DCHS2: variants seen among roughly 807,000 people sequenced by gnomAD.
DCHS2 encodes protocadherin-23.
Under a neutral mutation model 182.4 loss-of-function variants are expected in DCHS2, and 142 were observed. The observed-to-expected ratio is 0.78, with a 90% CI of 0.68 to 0.89. The LOEUF (loss-of-function observed/expected upper bound fraction) is 0.89. Ranked by LOEUF, DCHS2 falls within the 40% of genes least tolerant of loss-of-function variation. The pLI, the probability that DCHS2 is intolerant of heterozygous loss-of-function variation, is 0.00. For synonymous variants in DCHS2, 1,740 were observed against 1,663.3 expected, an observed-to-expected ratio of 1.05 and a Z score of -1.12; for missense variants, 4,319 against 4,198.6, an observed-to-expected ratio of 1.03 and a Z score of -0.79.
chr4:154,319,512 A>G (rs920480510), intron 9 of DCHS2, among the ~76,000 whole-genome samples: 9 of 151,970 alleles, frequency 5.9e-5, no homozygotes, highest in African/African-American at 2.2e-4. Flanking sequence ...AAATGGACAA[A>G]AGACTTGAAT....
chr4:154,298,213 T>C lies in DCHS2; in HGVS notation c.6101A>G (p.Asn2034Ser). The C allele has an allele frequency of 6.2e-7, 1 of 1,614,158 alleles. No homozygotes were observed. The highest frequency in any genetic ancestry group is 8.5e-7 in the Non-Finnish European group (1 of 1,180,016). The change falls in exon 13 of 20, where the codon AAT becomes AGT. Residue 2034 changes from asparagine (N) to serine (S), a missense_variant. Physicochemically the swap from Asn to Ser is conservative, Grantham distance 46. Transcript: ENST00000357232. ...AGGGTTCTGTTCCAAAACTGGATCA[T>C]TGTCATTAACATCAGTGACATATAC... Reference protein sequence around the residue: ...IKVYVTDVNDNDPVLEQNPFD... With the variant: ...IKVYVTDVNDSDPVLEQNPFD...
At chr4:154,421,759 C>T (rs1266661446) in intron 1 of DCHS2, among the ~76,000 whole-genome samples, 3 of 152,218 alleles carry the variant, frequency 2.0e-5, no homozygotes, top group Non-Finnish European at 4.4e-5. Flanking sequence ...CACCCATTTT[C>T]CCTTCTAGCC....
At chr4:154,278,054 A>AAG in intron 13 of DCHS2, among the ~76,000 whole-genome samples, 1 of 151,714 alleles carries the variant, frequency 6.6e-6, no homozygotes, top group Non-Finnish European at 1.5e-5. Flanking sequence ...CACAAAAAAA[A>AAG]AGAATTTAAA....
intron 1 of DCHS2, among the ~76,000 whole-genome samples, chr4:154,471,643 G>A (rs915846730): frequency 6.6e-6 from 1 of 152,104 alleles, no homozygotes; most frequent in Admixed American, 6.5e-5. Context: ...CTGTCTCAGA[G>A]AGCAAACATC....
intron 14 of DCHS2, chr4:154,261,999 C>T (rs1733008574): frequency 6.6e-6 from 1 of 152,220 alleles, no homozygotes; most frequent in South Asian, 2.1e-4. Flanking sequence ...GGTGGGTCCA[C>T]AGCTCTCACC....
chr4:154,346,864 C>T (rs1420957146), intron 3 of DCHS2, among the ~76,000 whole-genome samples: 1 of 151,880 alleles, frequency 6.6e-6, no homozygotes, highest in Non-Finnish European at 1.5e-5. Flanking sequence ...CCATAACAAG[C>T]TGCAAACTTT....
chr4:154,420,250 T>C (rs62331914), intron 1 of DCHS2, among the ~76,000 whole-genome samples: 58,120 of 117,392 alleles, frequency 0.5, 13,297 homozygotes, highest in Middle Eastern at 0.68. Context: ...GACAGACAGA[T>C]AGATAGATAG....
intron 16 of DCHS2, among the ~76,000 whole-genome samples, chr4:154,247,973 C>T (rs1732162246): frequency 6.6e-6 from 1 of 152,006 alleles, no homozygotes; most frequent in South Asian, 2.1e-4. Context: ...TTTATTAACC[C>T]AAACTGTTCA....
At chr4:154,316,642 G>C (rs1007045650) in intron 9 of DCHS2, among the ~76,000 whole-genome samples, 1 of 152,116 alleles carries the variant, frequency 6.6e-6, no homozygotes, top group Non-Finnish European at 1.5e-5. Flanking sequence ...AAACTAGCCA[G>C]GCATGGTGGC....
rs1478778075 is a variant in DCHS2 at position 154,304,661 on chromosome 4, A to AAACT, written c.5605+4_5605+7dup. 7 of 1,386,792 alleles carry AAACT rather than the reference A, an allele frequency of 5.0e-6. No individual in the cohort carries two copies. The African/African-American group carries it at 8.9e-5, about 18-fold the overall frequency. 85.9% of individuals were successfully genotyped at this position (1,386,792 alleles called of 1,614,324 possible). The stretch of plus-strand genomic sequence containing the variant: ...CAAACAAACAAACAAACAAACAAAC[A>AAACT]AACTTACCAATTATGTGATATTCAA... On this transcript the variant is annotated splice_region_variant and intron_variant, in intron 12 of 19. Coordinates refer to ENST00000357232, the MANE Select transcript of DCHS2 (RefSeq NM_001358235.2).
At chr4:154,269,677 A>G (rs1028499469) in intron 14 of DCHS2, among the ~76,000 whole-genome samples, 1 of 152,182 alleles carries the variant, frequency 6.6e-6, no homozygotes, top group Non-Finnish European at 1.5e-5. Flanking sequence ...TTTGAAGGGC[A>G]GGATAGACAC....
intron 3 of DCHS2, among the ~76,000 whole-genome samples, chr4:154,342,048 A>T (rs1729135705): frequency 6.6e-6 from 1 of 152,194 alleles, no homozygotes; most frequent in Non-Finnish European, 1.5e-5. Context: ...ATTCCAGACC[A>T]CTGCAATAAA....
intron 15 of DCHS2, among the ~76,000 whole-genome samples, chr4:154,256,826 C>T (rs1031684518): frequency 2.0e-5 from 3 of 152,076 alleles, no homozygotes; most frequent in African/African-American, 7.2e-5. Context: ...CCAGAGTTCT[C>T]AGGGGACCCT....
In DCHS2 at chr4:154,490,625, TC is replaced by T; in HGVS notation, c.730del (p.Glu244SerfsTer3). ...CCGCAGCAGCACCAGATCTAGAGGCTCCAGGGGTGACGAGGAGCCTGGCAAA... is the reference window on the plus strand; with the variant it reads ...CCGCAGCAGCACCAGATCTAGAGGCTCAGGGGTGACGAGGAGCCTGGCAAA... ...PLLPGSSSPL[E>X]PLDLVLLRRL... On this transcript the variant is annotated frameshift_variant, in exon 1 of 20. Coordinates refer to ENST00000357232, the MANE Select transcript of DCHS2 (RefSeq NM_001358235.2). LOFTEE classifies it high-confidence loss of function. 6.5e-7 allele frequency: 1 copy of T among 1,550,314 alleles called. No homozygotes were observed. The highest frequency in any genetic ancestry group is 8.7e-7 in the Non-Finnish European group (1 of 1,146,844).
chr4:154,379,364 CA>C (rs1156300526), intron 1 of DCHS2, among the ~76,000 whole-genome samples: 1 of 152,122 alleles, frequency 6.6e-6, no homozygotes, highest in African/African-American at 2.4e-5. Flanking sequence ...AGCTTAGCTG[CA>C]AGGGAGGCTG....
intron 14 of DCHS2, chr4:154,269,067 C>G (rs943490136): frequency 1.3e-5 from 2 of 152,258 alleles, no homozygotes; most frequent in African/African-American, 4.8e-5. Flanking sequence ...AACAGGTTTC[C>G]TATACTACCC....
At chr4:154,393,913 T>C (rs1348862480) in intron 1 of DCHS2, among the ~76,000 whole-genome samples, 1 of 152,196 alleles carries the variant, frequency 6.6e-6, no homozygotes, top group Non-Finnish European at 1.5e-5. Context: ...TATATAAATA[T>C]TTATGATGCA....
chr4:154,324,987 T>C (rs1469900617), intron 7 of DCHS2, among the ~76,000 whole-genome samples: 1 of 152,220 alleles, frequency 6.6e-6, no homozygotes, highest in Non-Finnish European at 1.5e-5. Flanking sequence ...AATAATGTAA[T>C]ATATATCTCC....
intron 1 of DCHS2, among the ~76,000 whole-genome samples, chr4:154,387,066 A>G (rs2110836169): frequency 6.6e-6 from 1 of 152,352 alleles, no homozygotes; most frequent in South Asian, 2.1e-4. Context: ...TTTAAAATGT[A>G]TGTTAAGAGA....
Sources: allele counts gnomAD v4.1 joint callset (sites outside exome capture counted in the v4.1 genomes callset), GRCh38; gene constraint gnomAD v4.1.1; transcripts MANE v1.5; gene names NCBI Gene and HGNC (gene_info 2026-07-23, HGNC 2026-07-21).